Variants in MTOR observed in about 807,000 individuals in gnomAD.
The protein encoded by MTOR is mechanistic target of rapamycin kinase.
In MTOR, 70 loss-of-function variants were observed where a neutral mutation model predicts 319.8. The observed-to-expected ratio is 0.22, with a 90% CI of 0.18 to 0.27. MTOR has a LOEUF of 0.27. Among genes scored for constraint, MTOR ranks in the 10% least tolerant of loss-of-function variants. The probability of loss-of-function intolerance (pLI) is 1.00; values close to 1 mark genes in which losing one functional copy is unlikely to be tolerated. For synonymous variants in MTOR, 1,183 were observed against 1,211.4 expected (o/e 0.98, Z 0.49); for missense variants, 1,890 against 3,274.4 (o/e 0.58, Z 10.32).
chr1:11,212,204 C>A lies in MTOR; in HGVS notation c.3561+108G>T, dbSNP rs193236546. On this transcript the variant is annotated intron_variant, in intron 23 of 57. Transcript: ENST00000361445. This position sits in a 1 kb window ranked among gnomAD's most constrained non-coding sequence, Gnocchi z 4.1. ...AAAAGAAAAAAAGCAAGTAATTCCA[C>A]GTTCTCTGATGGTGGCTGGCATCAG... 7.3e-7 allele frequency: 1 copy of A among 1,375,522 alleles called. No homozygotes were observed. Among genetic ancestry groups the A allele is most frequent in the Non-Finnish European group, 9.9e-7 (1 of 1,009,122 alleles). 85.2% of individuals were successfully genotyped at this position (1,375,522 alleles called of 1,614,324 possible).
At chr1:11,118,852 C>T (rs1291016684) in intron 49 of MTOR, among the ~76,000 whole-genome samples, 1 of 151,996 alleles carries the variant, frequency 6.6e-6, no homozygotes, top group African/African-American at 2.4e-5. Flanking sequence ...TCTCAAACGC[C>T]TGAGCTTCAA....
At chr1:11,222,997 A>T (rs1305453463) in intron 19 of MTOR, among the ~76,000 whole-genome samples, 1 of 151,966 alleles carries the variant, frequency 6.6e-6, no homozygotes. Context: ...AATAGGAGGT[A>T]TACAGTACTG....
chr1:11,255,432 TTAATTGGCA>T (rs1288397317), intron 5 of MTOR, among the ~76,000 whole-genome samples: 10 of 150,860 alleles, frequency 6.6e-5, no homozygotes, highest in Admixed American at 4.0e-4. Context: ...AAGTCACAGT[TTAATTGGCA>T]TATTTGCATT....
At chr1:11,196,079 T>C (rs1365174152) in intron 28 of MTOR, 2 of 152,196 alleles carry the variant, frequency 1.3e-5, no homozygotes, top group Non-Finnish European at 2.9e-5. Context: ...CGGGGTTTGT[T>C]TTGGTGTTCA....
Position 11,199,702 on chromosome 1 carries a change from C to A in MTOR, c.3946G>T (p.Asp1316Tyr). The A allele has an allele frequency of 6.2e-7, 1 of 1,613,582 alleles. No homozygotes were observed. ...LAQAYNPMARDLFNAAFVSCW... is the reference protein window; with the variant it reads ...LAQAYNPMARYLFNAAFVSCW... Reference sequence around the variant, plus strand: ...GACACAAATGCAGCATTGAAGAGATCCCTGAAGGCAGAGAAGGTGGAAAAT... The same window carrying A: ...GACACAAATGCAGCATTGAAGAGATACCTGAAGGCAGAGAAGGTGGAAAAT... The change falls in exon 27 of 58, where the codon GAT (aspartate) becomes TAT (tyrosine). Residue 1316 changes from aspartate to tyrosine, a missense_variant and splice_region_variant. By Grantham distance (160) the Asp-to-Tyr change is radical. Around this residue, in one of 15 missense-constraint regions of MTOR, gnomAD observed 49 missense variants for 119.1 expected, o/e 0.41. Coordinates refer to ENST00000361445, the MANE Select transcript of MTOR (RefSeq NM_004958.4). This position sits in a 1 kb window ranked among gnomAD's most constrained non-coding sequence, Gnocchi z 4.5.
chr1:11,157,483 G>A (rs1180668861), intron 29 of MTOR, among the ~76,000 whole-genome samples, 192 bp from the exon 30 acceptor site: 1 of 152,156 alleles, frequency 6.6e-6, no homozygotes, highest in African/African-American at 2.4e-5. Flanking sequence ...TGGAAATACT[G>A]GTTCCTTGGC....
chr1:11,193,503 C>A, intron 28 of MTOR: 1 of 1,339,082 alleles, frequency 7.5e-7, no homozygotes, highest in Non-Finnish European at 1.0e-6. Flanking sequence ...GGGACAGGAA[C>A]AGGTTGGGAA....
At position 11,243,266 on chromosome 1, in the gene MTOR, G is replaced by C; in HGVS notation, c.1260C>G (p.Val420=). 6.2e-7 allele frequency: 1 copy of C among 1,614,202 alleles called. No individual in the cohort carries two copies. The highest frequency in any genetic ancestry group is 8.5e-7 in the Non-Finnish European group (1 of 1,180,034). The change falls in exon 9 of 58, where the codon GTC becomes GTG. Residue 420 remains valine (V), a synonymous_variant. Transcript: ENST00000361445. ...TQYLQDTMNH[V]LSCVKKEKER... ...CCTTCTCCTTCTTGACACAGCTTAG[G>C]ACATGGTTCATGGTATCTTGGAGAT...
intron 18 of MTOR, among the ~76,000 whole-genome samples, chr1:11,229,756 C>G (rs998449357): frequency 1.3e-5 from 2 of 152,046 alleles, no homozygotes; most frequent in African/African-American, 4.8e-5. Context: ...GTCTAGAAAA[C>G]CCTCCTGCAA....
At chr1:11,188,283 C>A (rs1440289410) in intron 28 of MTOR, among the ~76,000 whole-genome samples, 1 of 152,158 alleles carries the variant, frequency 6.6e-6, no homozygotes, top group Non-Finnish European at 1.5e-5. Flanking sequence ...TGCTGAAACT[C>A]CATGTTTTTC....
intron 28 of MTOR, chr1:11,190,075 A>G (rs1645469255): frequency 3.3e-6 from 4 of 1,198,982 alleles, no homozygotes; most frequent in South Asian, 1.5e-5. Context: ...CTTTCCCTTT[A>G]GTAAAGGCTT....
intron 8 of MTOR, among the ~76,000 whole-genome samples, chr1:11,246,809 G>A (rs908553163): frequency 6.6e-6 from 1 of 152,236 alleles, no homozygotes; most frequent in African/African-American, 2.4e-5. Flanking sequence ...AGGACATTAA[G>A]TATGAACAGG....
intron 29 of MTOR, among the ~76,000 whole-genome samples, chr1:11,163,297 A>C (rs917639668): frequency 6.6e-6 from 1 of 152,204 alleles, no homozygotes; most frequent in African/African-American, 2.4e-5. Context: ...AAGTCCTTAG[A>C]GACCTACAAA....
At chr1:11,243,073 C>G in intron 9 of MTOR, 41 bp downstream of exon 9, 5 of 1,604,778 alleles carry the variant, frequency 3.1e-6, no homozygotes, top group Non-Finnish European at 4.3e-6. Context: ...TCCTCTCCAA[C>G]CAAATGGAGT....
chr1:11,136,977 G>A (rs1643452972), intron 36 of MTOR, among the ~76,000 whole-genome samples: 1 of 151,450 alleles, frequency 6.6e-6, no homozygotes, highest in African/African-American at 2.4e-5. Flanking sequence ...GAGTAGCTGG[G>A]AGTACAGGTA....
chr1:11,141,791 C>T (rs112662694), intron 34 of MTOR, among the ~76,000 whole-genome samples: 4,471 of 149,526 alleles, frequency 0.03, 171 homozygotes, highest in Admixed American at 0.071. Flanking sequence ...TCGAGATCAT[C>T]CTGGCTAATA....
chr1:11,221,759 C>T (rs1413671820), intron 19 of MTOR, among the ~76,000 whole-genome samples: 1 of 146,676 alleles, frequency 6.8e-6, no homozygotes, highest in Admixed American at 6.8e-5. Context: ...TAGAAATACT[C>T]TATATAGAGA....
chr1:11,110,463 CATG>C (rs1641803695), intron 54 of MTOR, among the ~76,000 whole-genome samples: 1 of 152,138 alleles, frequency 6.6e-6, no homozygotes, highest in Admixed American at 6.5e-5. Flanking sequence ...AGTGCAGTGG[CATG>C]ATATCGGCTC....
chr1:11,259,197 T>C, intron 2 of MTOR, 51 bp downstream of exon 2: 1 of 1,583,364 alleles, frequency 6.3e-7, no homozygotes, highest in Non-Finnish European at 8.5e-7. Flanking sequence ...CCAGTGATGG[T>C]ACATTTAGCC....
Sources: allele counts gnomAD v4.1 joint callset (sites outside exome capture counted in the v4.1 genomes callset), GRCh38; gene constraint gnomAD v4.1.1; regional missense constraint gnomAD v4.1.1; non-coding constraint Gnocchi (gnomAD v3.1); transcripts MANE v1.5; gene names NCBI Gene and HGNC (gene_info 2026-07-23, HGNC 2026-07-21).